The following RALGAPA2 variants were observed in gnomAD, a reference collection of about 807,000 sequenced individuals.
RALGAPA2 encodes Ral GTPase activating protein catalytic subunit alpha 2.
A neutral mutation model predicts 230.4 loss-of-function variants in RALGAPA2; 139 were observed. The observed-to-expected ratio is 0.60, with a 90% CI of 0.53 to 0.69. The LOEUF (loss-of-function observed/expected upper bound fraction) is 0.69. Ranked by LOEUF, RALGAPA2 falls within the 30% of genes least tolerant of loss-of-function variation. The pLI is 0.00. For synonymous variants in RALGAPA2, 847 were observed against 837.8 expected, an observed-to-expected ratio of 1.01 and a Z score of -0.19; for missense variants, 2,163 against 2,276.0, an observed-to-expected ratio of 0.95 and a Z score of 1.01.
At chr20:20,481,487 G>C (rs1222997472) in intron 36 of RALGAPA2, among the ~76,000 whole-genome samples, 1 of 152,152 alleles carries the variant, frequency 6.6e-6, no homozygotes, top group Non-Finnish European at 1.5e-5. Flanking sequence ...ACCCAGTTTG[G>C]TCAGTTATTC....
intron 35 of RALGAPA2, among the ~76,000 whole-genome samples, chr20:20,495,921 T>TA (rs2062191590): frequency 1.3e-5 from 2 of 152,322 alleles, no homozygotes; most frequent in South Asian, 4.1e-4. Context: ...ATCTTCCCAC[T>TA]AACTCTCTGA....
At chr20:20,515,697 G>C (rs1375461505) in intron 31 of RALGAPA2, among the ~76,000 whole-genome samples, 2 of 152,218 alleles carry the variant, frequency 1.3e-5, no homozygotes, top group African/African-American at 4.8e-5. Context: ...ACCGAGGGAA[G>C]CCATACCTGA....
intron 37 of RALGAPA2, 142 bp downstream of exon 37, chr20:20,472,687 C>A: frequency 1.4e-6 from 1 of 733,116 alleles, no homozygotes; most frequent in Non-Finnish European, 2.0e-6. Flanking sequence ...TATGAAAAAC[C>A]ACTATGTTAT....
chr20:20,686,792 A>C (rs2068717097), intron 1 of RALGAPA2, among the ~76,000 whole-genome samples: 1 of 152,168 alleles, frequency 6.6e-6, no homozygotes, highest in Non-Finnish European at 1.5e-5. Context: ...TAGCAATTCT[A>C]TTGCTTTTTA....
At chr20:20,534,240 T>C (rs1385594086) in intron 26 of RALGAPA2, among the ~76,000 whole-genome samples, 3 of 151,994 alleles carry the variant, frequency 2.0e-5, no homozygotes, top group African/African-American at 7.2e-5. Context: ...GTCAGGAGAT[T>C]GAGACCATCC....
intron 20 of RALGAPA2, among the ~76,000 whole-genome samples, chr20:20,579,505 A>G (rs1289886391): frequency 6.6e-6 from 1 of 152,208 alleles, no homozygotes; most frequent in African/African-American, 2.4e-5. Flanking sequence ...TGGAAAGAAA[A>G]GAGCAACAAA....
chr20:20,391,896 C>G lies in RALGAPA2; in HGVS notation c.*1393G>C, dbSNP rs759917687. 1 of 152,492 alleles carries G rather than the reference C, an allele frequency of 6.6e-6. No homozygotes were observed. Among genetic ancestry groups the G allele is most frequent in the Non-Finnish European group, 1.5e-5 (1 of 68,238 alleles). 9.4% of individuals were successfully genotyped at this position (152,492 alleles called of 1,614,324 possible). On this transcript the variant is annotated 3_prime_UTR_variant, in exon 40 of 40. Coordinates refer to ENST00000202677, the MANE Select transcript of RALGAPA2 (RefSeq NM_020343.4). ...TCTCTCGTGCTGCTGTCCCTTCCCACTGCAGGGCGTTGCTCTGTACCTGGC... is the reference window on the plus strand; with the variant it reads ...TCTCTCGTGCTGCTGTCCCTTCCCAGTGCAGGGCGTTGCTCTGTACCTGGC...
intron 16 of RALGAPA2, among the ~76,000 whole-genome samples, chr20:20,600,718 C>A (rs1481049367): frequency 6.6e-6 from 1 of 152,182 alleles, no homozygotes; most frequent in African/African-American, 2.4e-5. Flanking sequence ...AAGTTACAGG[C>A]TCAAAGTCAC....
At chr20:20,581,074 T>C (rs756156720) in intron 20 of RALGAPA2, among the ~76,000 whole-genome samples, 1 of 152,204 alleles carries the variant, frequency 6.6e-6, no homozygotes. Flanking sequence ...AGGTGAACTA[T>C]TGAACTGCGT....
intron 1 of RALGAPA2, among the ~76,000 whole-genome samples, chr20:20,688,107 A>T (rs868496688): frequency 1.3e-5 from 2 of 152,138 alleles, no homozygotes; most frequent in African/African-American, 4.8e-5. Flanking sequence ...TATACCAGGG[A>T]TGACTGGCTT....
chr20:20,500,481 C>T (rs2062341795), intron 35 of RALGAPA2, among the ~76,000 whole-genome samples: 1 of 152,238 alleles, frequency 6.6e-6, no homozygotes, highest in African/African-American at 2.4e-5. Context: ...TAAGAAGCAA[C>T]TTTTCATCCA....
At position 20,422,789 on chromosome 20, in the gene RALGAPA2, G is replaced by C. The variant is rs138403966; in HGVS notation, c.5496-10641C>G. Among the ~76,000 whole-genome samples, 31 of 152,340 alleles carry C rather than the reference G, an allele frequency of 2.0e-4. No individual in the cohort carries two copies. The East Asian group carries it at 5.6e-3, about 27-fold the overall frequency. ...ACCATGTGCCGCGACTGTTCTAGCA[G>C]CTGGAGGATGAAAAAGACATAGTCT... On this transcript the variant is annotated intron_variant, in intron 37 of 39. Coordinates refer to ENST00000202677, the MANE Select transcript of RALGAPA2 (RefSeq NM_020343.4).
At chr20:20,704,500 C>A (rs1235325239) in intron 1 of RALGAPA2, among the ~76,000 whole-genome samples, 1 of 152,174 alleles carries the variant, frequency 6.6e-6, no homozygotes, top group Admixed American at 6.5e-5. Context: ...AAGGTCCTGG[C>A]AAAGACATGG....
intron 27 of RALGAPA2, among the ~76,000 whole-genome samples, chr20:20,530,556 C>A (rs576859557): frequency 6.6e-6 from 1 of 152,294 alleles, no homozygotes; most frequent in Admixed American, 6.5e-5. Flanking sequence ...ACTGGCTGGT[C>A]ATCCTATGGG....
At chr20:20,424,001 C>T (rs1405868047) in intron 37 of RALGAPA2, among the ~76,000 whole-genome samples, 2 of 152,096 alleles carry the variant, frequency 1.3e-5, no homozygotes, top group African/African-American at 2.4e-5. Context: ...AGATTTTCTT[C>T]AGGCTATTAA....
At chr20:20,676,889 TACAAAC>T (rs2068343331) in intron 2 of RALGAPA2, among the ~76,000 whole-genome samples, 1 of 152,174 alleles carries the variant, frequency 6.6e-6, no homozygotes, top group South Asian at 2.1e-4. Flanking sequence ...AGGCCTCTCT[TACAAAC>T]ACTCAAATCT....
Position 20,531,798 on chromosome 20 carries a change from T to C in RALGAPA2, c.3474-3A>G, listed in dbSNP as rs1293095485. 1 of 1,586,960 alleles carries C rather than the reference T, an allele frequency of 6.3e-7. No homozygotes were observed. The highest frequency in any genetic ancestry group is 8.6e-7 in the Non-Finnish European group (1 of 1,165,248). On this transcript the variant is annotated splice_polypyrimidine_tract_variant and splice_region_variant and intron_variant, in intron 26 of 39. Coordinates refer to ENST00000202677, the MANE Select transcript of RALGAPA2 (RefSeq NM_020343.4). ...CAAGGGAGCAAACAGCAATGCATCT[T>C]TTTAAAAAGAAGAAAACAGAGGAAA...
At chr20:20,443,557 T>G (rs2060789757) in intron 37 of RALGAPA2, among the ~76,000 whole-genome samples, 1 of 152,216 alleles carries the variant, frequency 6.6e-6, no homozygotes, top group Non-Finnish European at 1.5e-5. Flanking sequence ...TGCAGCCACC[T>G]CAATCTTCCA....
At chr20:20,633,169 C>CCCA (rs1182962547) in intron 9 of RALGAPA2, among the ~76,000 whole-genome samples, 1 of 151,568 alleles carries the variant, frequency 6.6e-6, no homozygotes, top group Non-Finnish European at 1.5e-5. Context: ...GAGTCTCACT[C>CCCA]TGTTGCCCAG....
Sources: gnomAD v4.1 joint callset for allele counts (sites outside exome capture counted in the v4.1 genomes callset) on GRCh38, gnomAD v4.1.1 for gene constraint, MANE v1.5 for transcripts, NCBI Gene and HGNC (gene_info 2026-07-23, HGNC 2026-07-21) for gene names.